DSCAM: variants seen among roughly 807,000 people sequenced by gnomAD.
The protein encoded by DSCAM is cell adhesion molecule DSCAM.
A neutral mutation model predicts 217.7 loss-of-function variants in DSCAM; 47 were observed. That is an observed-to-expected ratio of 0.22 (90% CI 0.17 to 0.28). The LOEUF (loss-of-function observed/expected upper bound fraction) is 0.28. Ranked by LOEUF, DSCAM falls within the 10% of genes least tolerant of loss-of-function variation. The pLI, the probability that DSCAM is intolerant of heterozygous loss-of-function variation, is 1.00. For missense variants in DSCAM, 2,080 were observed against 2,618.3 expected, an observed-to-expected ratio of 0.79 and a Z score of 4.49; for synonymous variants, 1,056 against 1,015.3, an observed-to-expected ratio of 1.04 and a Z score of -0.76.
At chr21:40,371,157 CCATA>C (rs2074893976) in intron 3 of DSCAM, among the ~76,000 whole-genome samples, 1 of 152,168 alleles carries the variant, frequency 6.6e-6, no homozygotes, top group African/African-American at 2.4e-5. Flanking sequence ...TTAAAATATG[CCATA>C]AATAATGCTA....
At chr21:40,266,814 C>G (rs202097617) in intron 11 of DSCAM, among the ~76,000 whole-genome samples, 1,458 of 98,190 alleles carry the variant, frequency 0.015, 26 homozygotes, top group African/African-American at 0.047. Flanking sequence ...ACACACACAC[C>G]CCCACACACA....
At chr21:40,344,624 G>T (rs549534687) in intron 6 of DSCAM, among the ~76,000 whole-genome samples, 1 of 152,196 alleles carries the variant, frequency 6.6e-6, no homozygotes, top group East Asian at 1.9e-4. Context: ...CAAAATATCC[G>T]ATGAATCATC....
chr21:40,197,334 G>A (rs1207500261), intron 11 of DSCAM, among the ~76,000 whole-genome samples: 1 of 152,024 alleles, frequency 6.6e-6, no homozygotes, highest in Non-Finnish European at 1.5e-5. Context: ...TAGCCAGGAT[G>A]GTCTCGATCT....
chr21:40,689,405 G>T (rs1002617245), intron 3 of DSCAM, among the ~76,000 whole-genome samples: 3 of 152,198 alleles, frequency 2.0e-5, no homozygotes, highest in African/African-American at 7.2e-5. Flanking sequence ...CAGGCTGACA[G>T]GTCACACTTC....
At chr21:40,663,212 CTG>C (rs974799100) in intron 3 of DSCAM, among the ~76,000 whole-genome samples, 4 of 126,918 alleles carry the variant, frequency 3.2e-5, no homozygotes, top group Admixed American at 1.0e-4. Context: ...GAGTGTATGT[CTG>C]TGCATGGTGT....
intron 15 of DSCAM, among the ~76,000 whole-genome samples, chr21:40,176,375 T>G (rs1196876677): frequency 6.6e-6 from 1 of 151,620 alleles, no homozygotes; most frequent in South Asian, 2.1e-4. Flanking sequence ...ACAGTAAAAG[T>G]GAGTGGGCTG....
intron 1 of DSCAM, among the ~76,000 whole-genome samples, chr21:40,732,122 A>T (rs573035351): frequency 2.6e-5 from 4 of 152,244 alleles, no homozygotes; most frequent in Admixed American, 6.5e-5. Context: ...ATACCATTCA[A>T]CCCCTAACAG....
In DSCAM at chr21:40,580,324, T is replaced by C. The variant is rs2076894467; in HGVS notation, c.508+112486A>G. On this transcript the variant is annotated intron_variant, in intron 3 of 32. Transcript: ENST00000400454. ...GAGGTGGGTGGATCACCTGAGGTCATGAGTTGAAGACCAGCCTGGCCAACA... is the reference window on the plus strand; with the variant it reads ...GAGGTGGGTGGATCACCTGAGGTCACGAGTTGAAGACCAGCCTGGCCAACA... Among the ~76,000 whole-genome samples the C allele has an allele frequency of 4.0e-5, 6 of 151,876 alleles. No homozygotes were observed. In the South Asian group the frequency reaches 1.2e-3, roughly 32 times the overall value.
At chr21:40,128,266 A>G (rs1186493849) in intron 19 of DSCAM, among the ~76,000 whole-genome samples, 1 of 149,390 alleles carries the variant, frequency 6.7e-6, no homozygotes, top group African/African-American at 2.5e-5. Flanking sequence ...GAGTGGAAAA[A>G]TGATTTCATT....
intron 28 of DSCAM, among the ~76,000 whole-genome samples, chr21:40,060,214 A>G (rs2089094197): frequency 6.6e-6 from 1 of 152,200 alleles, no homozygotes; most frequent in South Asian, 2.1e-4. Context: ...CAATAGGAAG[A>G]CCATAATTAA....
chr21:40,227,579 T>C (rs970394594), intron 11 of DSCAM, among the ~76,000 whole-genome samples: 1 of 152,130 alleles, frequency 6.6e-6, no homozygotes, highest in Non-Finnish European at 1.5e-5. Flanking sequence ...ATCATACAGG[T>C]ATTTTGAGGT....
At chr21:40,249,066 A>G in intron 11 of DSCAM, among the ~76,000 whole-genome samples, 1 of 152,232 alleles carries the variant, frequency 6.6e-6, no homozygotes, top group East Asian at 1.9e-4. Flanking sequence ...CCCACAGCAC[A>G]TGGAAATTCT....
intron 11 of DSCAM, among the ~76,000 whole-genome samples, chr21:40,195,357 C>G (rs1218295392): frequency 6.6e-6 from 1 of 152,064 alleles, no homozygotes; most frequent in African/African-American, 2.4e-5. Context: ...GAAAAGAAAA[C>G]AACTGAAAAG....
At chr21:40,396,464 G>A (rs1461750656) in intron 3 of DSCAM, among the ~76,000 whole-genome samples, 1 of 152,166 alleles carries the variant, frequency 6.6e-6, no homozygotes, top group Non-Finnish European at 1.5e-5. Flanking sequence ...TTTCAGCTCA[G>A]TAATGGAGGG....
At chr21:40,477,856 T>C (rs1009311433) in intron 3 of DSCAM, among the ~76,000 whole-genome samples, 1 of 152,176 alleles carries the variant, frequency 6.6e-6, no homozygotes, top group Non-Finnish European at 1.5e-5. Flanking sequence ...AAAAAACTTG[T>C]CAGTAAAGTG....
At position 40,224,783 on chromosome 21, in the gene DSCAM, A is replaced by C. The variant is rs1237292146; in HGVS notation, c.2357-35545T>G. 2.0e-5 allele frequency among the ~76,000 whole-genome samples: 3 copies of C among 152,240 alleles called. No homozygotes were observed. In the East Asian group the frequency reaches 5.8e-4, roughly 29 times the overall value. The stretch of plus-strand genomic sequence containing the variant: ...CACTGCATCCTCTCAAATGACAGCT[A>C]TTGGGACAACCATCTCTAAGGCTAC... On this transcript the variant is annotated intron_variant, in intron 11 of 32. Transcript: ENST00000400454.
At chr21:40,800,107 C>T (rs1393432119) in intron 1 of DSCAM, among the ~76,000 whole-genome samples, 1 of 152,186 alleles carries the variant, frequency 6.6e-6, no homozygotes, top group African/African-American at 2.4e-5. Context: ...GCATCCTCAC[C>T]ATATGATTCC....
At chr21:40,409,537 A>G (rs1290305709) in intron 3 of DSCAM, among the ~76,000 whole-genome samples, 1 of 152,178 alleles carries the variant, frequency 6.6e-6, no homozygotes, top group Non-Finnish European at 1.5e-5. Flanking sequence ...AGGTGGACAG[A>G]TCCTGAGTTT....
chr21:40,719,628 C>T (rs1441465993), intron 1 of DSCAM, among the ~76,000 whole-genome samples: 1 of 152,144 alleles, frequency 6.6e-6, no homozygotes, highest in South Asian at 2.1e-4. Flanking sequence ...TAACAATGAA[C>T]AATCTGCACA....
Sources: gnomAD v4.1 joint callset for allele counts (sites outside exome capture counted in the v4.1 genomes callset) on GRCh38, gnomAD v4.1.1 for gene constraint, MANE v1.5 for transcripts, NCBI Gene and HGNC (gene_info 2026-07-23, HGNC 2026-07-21) for gene names.